The following FRK variants were observed in gnomAD, a reference collection of about 807,000 sequenced individuals.
The protein encoded by FRK is tyrosine-protein kinase FRK.
FRK carries 51 observed loss-of-function variants against 56.4 expected under a neutral mutation model. The observed-to-expected ratio is 0.90, with a 90% CI of 0.72 to 1.14. The LOEUF (loss-of-function observed/expected upper bound fraction) is 1.14. FRK is among the 50% of genes most tolerant of loss of function. The pLI is 0.00. For missense variants in FRK, 570 were observed against 601.4 expected (o/e 0.95, Z 0.55); for synonymous variants, 245 against 217.9 (o/e 1.12, Z -1.10).
chr6:116,058,494 G>C (rs1582769103), intron 1 of FRK, among the ~76,000 whole-genome samples: 2 of 152,192 alleles, frequency 1.3e-5, no homozygotes, highest in South Asian at 2.1e-4. Context: ...ATGCTCTATG[G>C]CTATTTATTA....
At chr6:116,095,011 A>G in the FRK span, among the ~76,000 whole-genome samples, 1 of 152,260 alleles carries the variant, frequency 6.6e-6, no homozygotes, top group Non-Finnish European at 1.5e-5. Context: ...TAACCCTATA[A>G]CACTCCAATA....
the FRK span, among the ~76,000 whole-genome samples, chr6:116,091,733 T>G: frequency 2.0e-5 from 3 of 152,004 alleles, no homozygotes; most frequent in Non-Finnish European, 2.9e-5. Flanking sequence ...GACAGGGGTG[T>G]CAGGGTTTCT....
At chr6:115,981,151 T>G (rs916145408) in intron 2 of FRK, among the ~76,000 whole-genome samples, 4 of 152,272 alleles carry the variant, frequency 2.6e-5, no homozygotes, top group Admixed American at 2.6e-4. Context: ...TCCAGGATTT[T>G]TGTTTATGGG....
chr6:115,995,733 A>G (rs3822854), intron 2 of FRK, among the ~76,000 whole-genome samples: 58,418 of 152,000 alleles, frequency 0.38, 12,368 homozygotes, highest in East Asian at 0.78. Flanking sequence ...GTGCATCTGC[A>G]TGTATATGTG....
intron 1 of FRK, among the ~76,000 whole-genome samples, chr6:116,036,969 T>C (rs1459384832): frequency 6.6e-6 from 1 of 152,180 alleles, no homozygotes; most frequent in Non-Finnish European, 1.5e-5. Flanking sequence ...TTACTTTTAG[T>C]ATTATTAACA....
At chr6:116,028,185 C>T (rs903550045) in intron 1 of FRK, among the ~76,000 whole-genome samples, 4 of 152,090 alleles carry the variant, frequency 2.6e-5, no homozygotes, top group African/African-American at 9.7e-5. Context: ...TCACAAAACC[C>T]TTATCACTAC....
intron 2 of FRK, among the ~76,000 whole-genome samples, chr6:115,990,571 T>G (rs1187876079): frequency 6.6e-6 from 1 of 151,906 alleles, no homozygotes; most frequent in Non-Finnish European, 1.5e-5. Flanking sequence ...TTGTTGAAGA[T>G]CAGTTGGTTT....
intron 1 of FRK, among the ~76,000 whole-genome samples, chr6:116,028,018 CT>C (rs927309967): frequency 1.3e-5 from 2 of 152,064 alleles, no homozygotes; most frequent in Non-Finnish European, 2.9e-5. Flanking sequence ...TAGGTAGAAA[CT>C]GACTCCTTTT....
At chr6:115,955,808 C>A (rs1772961375) in intron 5 of FRK, among the ~76,000 whole-genome samples, 1 of 152,176 alleles carries the variant, frequency 6.6e-6, no homozygotes, top group Admixed American at 6.6e-5. Context: ...TTGAACATCT[C>A]ATTTTAATGC....
chr6:116,016,291 A>G (rs982101045), intron 1 of FRK, among the ~76,000 whole-genome samples: 2 of 152,172 alleles, frequency 1.3e-5, no homozygotes, highest in Non-Finnish European at 2.9e-5. Flanking sequence ...CACAATCTCT[A>G]TAGTAGGTTG....
chr6:115,975,091 G>A (rs503882), intron 2 of FRK, among the ~76,000 whole-genome samples: 150,497 of 152,274 alleles, frequency 0.99, 74,396 homozygotes, highest in Middle Eastern at 1. Context: ...AGGTAATTAT[G>A]GCAATACTTT....
the FRK span, among the ~76,000 whole-genome samples, chr6:116,066,267 TC>T: frequency 6.6e-6 from 1 of 152,156 alleles, no homozygotes; most frequent in Non-Finnish European, 1.5e-5. Context: ...CCAGCCTACA[TC>T]TTTCTCCTGT....
chr6:116,000,978 G>T (rs528542922), intron 2 of FRK, among the ~76,000 whole-genome samples: 7 of 152,132 alleles, frequency 4.6e-5, no homozygotes, highest in Non-Finnish European at 1.0e-4. Context: ...GGTGGTTCAC[G>T]CCTGTAATCC....
At chr6:115,968,982 A>G (rs1243047522) in intron 2 of FRK, among the ~76,000 whole-genome samples, 2 of 152,214 alleles carry the variant, frequency 1.3e-5, no homozygotes, top group African/African-American at 4.8e-5. Context: ...TAGCACTAAA[A>G]GAATCCATGC....
chr6:116,002,622 G>T, intron 2 of FRK: 1 of 439,006 alleles, frequency 2.3e-6, no homozygotes, highest in South Asian at 1.6e-5. Context: ...CAAAAAAATG[G>T]TAATTGACAC....
At chr6:116,091,282 A>AC in the FRK span, among the ~76,000 whole-genome samples, 1 of 152,178 alleles carries the variant, frequency 6.6e-6, no homozygotes, top group Admixed American at 6.5e-5. Flanking sequence ...TTGTAAATGC[A>AC]CTATCAGCAC....
At chr6:115,947,340 G>A (rs1315211990) in intron 5 of FRK, among the ~76,000 whole-genome samples, 1 of 151,828 alleles carries the variant, frequency 6.6e-6, no homozygotes, top group African/African-American at 2.4e-5. Context: ...GTGTGTGTGT[G>A]TGTGTGTGTG....
At chr6:116,070,133 TTA>T in the FRK span, among the ~76,000 whole-genome samples, 2 of 143,572 alleles carry the variant, frequency 1.4e-5, no homozygotes, top group Non-Finnish European at 3.0e-5. Flanking sequence ...AGCCCATTAT[TTA>T]AAAAAAAAAA....
chr6:116,071,476 G>A, the FRK span, among the ~76,000 whole-genome samples: 1 of 152,088 alleles, frequency 6.6e-6, no homozygotes, highest in Admixed American at 6.6e-5. Flanking sequence ...TTTGCCTCCA[G>A]CAAATGTGCC....
Sources: allele counts gnomAD v4.1 joint callset (sites outside exome capture counted in the v4.1 genomes callset), GRCh38; gene constraint gnomAD v4.1.1; transcripts MANE v1.5; gene names NCBI Gene and HGNC (gene_info 2026-07-23, HGNC 2026-07-21).